ALG6: variants seen among roughly 807,000 people sequenced by gnomAD.
The protein encoded by ALG6 is ALG6 alpha-1,3-glucosyltransferase.
In ALG6, 46 loss-of-function variants were observed where a neutral mutation model predicts 66.6. That is an observed-to-expected ratio of 0.69 (90% CI 0.55 to 0.88). ALG6 has a LOEUF of 0.88. Among genes scored for constraint, ALG6 ranks in the 40% least tolerant of loss-of-function variants. ALG6 has a pLI of 0.00. For missense variants in ALG6, 505 were observed against 586.8 expected (o/e 0.86, Z 1.44); for synonymous variants, 185 against 203.7 (o/e 0.91, Z 0.78).
intron 2 of ALG6, among the ~76,000 whole-genome samples, chr1:63,374,269 T>G (rs1012020967): frequency 6.6e-6 from 1 of 152,200 alleles, no homozygotes; most frequent in Non-Finnish European, 1.5e-5. Flanking sequence ...GTTAGTTGCC[T>G]GATCTTGGGG....
intron 3 of ALG6, among the ~76,000 whole-genome samples, chr1:63,400,299 ATATATATG>A (rs1557587755): frequency 0.32 from 8,430 of 26,298 alleles, 3,150 homozygotes; most frequent in East Asian, 0.58. Context: ...ATATATACGT[ATATATATG>A]TATATATATA....
At chr1:63,424,102 A>G (rs890171796) in intron 12 of ALG6, among the ~76,000 whole-genome samples, 11 of 152,172 alleles carry the variant, frequency 7.2e-5, no homozygotes, top group African/African-American at 2.4e-4. Flanking sequence ...TGTTGGCACA[A>G]TATGTCTATC....
At chr1:63,401,435 G>A (rs1041390327) in intron 3 of ALG6, among the ~76,000 whole-genome samples, 31 of 152,164 alleles carry the variant, frequency 2.0e-4, no homozygotes, top group African/African-American at 5.8e-4. Context: ...GGAGGCCGAG[G>A]AGGGTGGATC....
At chr1:63,436,218 CATTT>C (rs1259513394) in intron 14 of ALG6, among the ~76,000 whole-genome samples, 3 of 151,930 alleles carry the variant, frequency 2.0e-5, no homozygotes, top group South Asian at 2.1e-4. Context: ...TAATTTGATT[CATTT>C]ATTCATTCAT....
In ALG6 at chr1:63,381,122, C is replaced by T. The variant is rs146257918; in HGVS notation, c.82+10063C>T. ...ATTGCTTGAGCCCAAAAGTTTGAGTCCAGCCTGGGCAATACGGGGAAACCT... is the reference window on the plus strand; with the variant it reads ...ATTGCTTGAGCCCAAAAGTTTGAGTTCAGCCTGGGCAATACGGGGAAACCT... On this transcript the variant is annotated intron_variant, in intron 2 of 14. Coordinates refer to ENST00000263440, the MANE Select transcript of ALG6 (RefSeq NM_013339.4). Among the ~76,000 whole-genome samples, 1,124 of 151,958 alleles carry T rather than the reference C, an allele frequency of 7.4e-3. 11 individuals are homozygous for T. The highest frequency in any genetic ancestry group is 0.024 in the African/African-American group (1,012 of 41,408).
chr1:63,378,786 G>T (rs185794057), intron 2 of ALG6, among the ~76,000 whole-genome samples: 2 of 149,828 alleles, frequency 1.3e-5, no homozygotes, highest in East Asian at 3.9e-4. Flanking sequence ...CCATCTCGGG[G>T]TTTCTTCACA....
intron 2 of ALG6, among the ~76,000 whole-genome samples, chr1:63,387,826 G>C (rs376240423): frequency 1.3e-5 from 2 of 152,032 alleles, no homozygotes; most frequent in African/African-American, 4.8e-5. Flanking sequence ...AGAGGTGTGA[G>C]CCACCGTGCC....
chr1:63,400,270 TATATATATATAC>T (rs1557587548), intron 3 of ALG6, among the ~76,000 whole-genome samples: 32 of 940 alleles, frequency 0.034, 8 homozygotes, highest in Admixed American at 0.067. Flanking sequence ...TATATATACG[TATATATATATAC>T]GTATATATAT....
rs898930369 is a variant in ALG6 at position 63,369,809 on chromosome 1, C to T, written c.-207-962C>T. Among the ~76,000 whole-genome samples the T allele has an allele frequency of 2.0e-5, 3 of 151,422 alleles. 1 individual carries two copies. Among genetic ancestry groups the T allele is most frequent in the Admixed American group, 6.7e-5 (1 of 15,032 alleles). On this transcript the variant is annotated intron_variant, in intron 1 of 14. Coordinates refer to ENST00000263440, the MANE Select transcript of ALG6 (RefSeq NM_013339.4). ...GAGAAGAGGAAAATGTCAATTTTGTCGATTTGCTTTTTATTTTTTTTTGTT... is the reference window on the plus strand; with the variant it reads ...GAGAAGAGGAAAATGTCAATTTTGTTGATTTGCTTTTTATTTTTTTTTGTT...
At chr1:63,388,037 C>T (rs1648557824) in intron 2 of ALG6, among the ~76,000 whole-genome samples, 1 of 152,188 alleles carries the variant, frequency 6.6e-6, no homozygotes, top group Admixed American at 6.5e-5. Context: ...TTGCCTCAGC[C>T]TGTGGAGTAG....
At chr1:63,406,481 G>A in intron 6 of ALG6, 82 bp downstream of exon 6, 1 of 1,246,738 alleles carries the variant, frequency 8.0e-7, no homozygotes, top group Non-Finnish European at 1.2e-6. Context: ...CCTTAGAGAA[G>A]CCATGCTTTT....
intron 10 of ALG6, 95 bp from the exon 11 acceptor site, chr1:63,415,778 A>C: frequency 1.4e-6 from 1 of 711,388 alleles, no homozygotes. Flanking sequence ...GTTGATAAAT[A>C]ATATGATCCT....
chr1:63,434,391 AACTTT>A (rs1395177373), intron 14 of ALG6, among the ~76,000 whole-genome samples: 3 of 152,154 alleles, frequency 2.0e-5, no homozygotes, highest in African/African-American at 7.2e-5. Flanking sequence ...ATGTTGAAGG[AACTTT>A]GTGTGTGGTG....
chr1:63,378,018 CA>C (rs1648188680), intron 2 of ALG6, among the ~76,000 whole-genome samples: 1 of 152,228 alleles, frequency 6.6e-6, no homozygotes, highest in South Asian at 2.1e-4. Flanking sequence ...GCTGGGATGA[CA>C]GGTTGTGAGC....
intron 10 of ALG6, 113 bp from the exon 11 acceptor site, chr1:63,415,760 A>G (rs1644543022): frequency 1.6e-6 from 1 of 638,196 alleles, no homozygotes; most frequent in African/African-American, 1.9e-5. Context: ...AGTTTGAAAT[A>G]AACTTAAGTT....
chr1:63,427,872 T>C (rs1337125199), intron 12 of ALG6, among the ~76,000 whole-genome samples: 5 of 149,856 alleles, frequency 3.3e-5, no homozygotes, highest in Non-Finnish European at 7.4e-5. Flanking sequence ...AGTGGTGTGA[T>C]CTCAGCTCAC....
chr1:63,430,175 C>G (rs1242602047), intron 14 of ALG6, among the ~76,000 whole-genome samples: 3 of 152,206 alleles, frequency 2.0e-5, no homozygotes, highest in African/African-American at 7.2e-5. Flanking sequence ...GCCACTGCGC[C>G]CAGTCACTTA....
intron 12 of ALG6, among the ~76,000 whole-genome samples, chr1:63,422,119 A>G (rs944076704): frequency 1.3e-5 from 1 of 79,844 alleles, no homozygotes; most frequent in African/African-American, 4.5e-5. Context: ...ATATATATAA[A>G]TATATAAATA....
At chr1:63,431,196 C>G (rs1364313103) in intron 14 of ALG6, among the ~76,000 whole-genome samples, 2 of 152,152 alleles carry the variant, frequency 1.3e-5, no homozygotes, top group East Asian at 1.9e-4. Flanking sequence ...ATCTATATGT[C>G]TATCCTTATG....
Sources: allele counts gnomAD v4.1 joint callset (sites outside exome capture counted in the v4.1 genomes callset), GRCh38; gene constraint gnomAD v4.1.1; transcripts MANE v1.5; gene names NCBI Gene and HGNC (gene_info 2026-07-23, HGNC 2026-07-21).